The following NYAP2 variants were observed in gnomAD, a reference collection of about 807,000 sequenced individuals.
The protein encoded by NYAP2 is neuronal tyrosine-phosphorylated phosphoinositide-3-kinase adaptor 2.
Under a neutral mutation model 50.4 loss-of-function variants are expected in NYAP2, and 23 were observed. The ratio of observed to expected loss-of-function variants is 0.46; its 90% confidence interval spans 0.33 to 0.65. The LOEUF (loss-of-function observed/expected upper bound fraction) is 0.65. NYAP2 is among the 30% of genes least tolerant of loss of function. NYAP2 has a pLI of 0.02. For synonymous variants in NYAP2, 394 were observed against 365.2 expected (o/e 1.08, Z -0.90); for missense variants, 885 against 861.0 (o/e 1.03, Z -0.35).
In NYAP2 at chr2:225,582,373, T is replaced by G. The variant is rs2106229602; in HGVS notation, c.956T>G (p.Leu319Arg). The G allele has an allele frequency of 6.2e-7, 1 of 1,611,814 alleles. No homozygotes were observed. The highest frequency in any genetic ancestry group is 8.5e-7 in the Non-Finnish European group (1 of 1,178,118). Residue 319 changes from leucine (L) to arginine (R), a missense_variant, in exon 5 of 7, where the codon CTT becomes CGT. Coordinates refer to ENST00000636099, the Ensembl canonical transcript of NYAP2. The surrounding 1 kb of genome is among the most constrained non-coding windows in gnomAD (Gnocchi z 7.0). The stretch of plus-strand genomic sequence containing the variant: ...GTGCCATGCCCCCCCAAGGGGCTGC[T>G]TTGCGACATCCCTCCGCCCTTCCCC...
At chr2:225,432,008 C>A (rs933833882) in intron 3 of NYAP2, among the ~76,000 whole-genome samples, 8 of 152,040 alleles carry the variant, frequency 5.3e-5, no homozygotes, top group Non-Finnish European at 7.4e-5. Context: ...CTCGCTCTGT[C>A]ACCCAGGCCG....
At chr2:225,513,606 A>G in exon 4 of NYAP2, 2 of 1,569,788 alleles carry the variant, frequency 1.3e-6, no homozygotes, top group Non-Finnish European at 1.7e-6. Flanking sequence ...CAAGCTGAGC[A>G]CCTCATCAGA....
intron 3 of NYAP2, among the ~76,000 whole-genome samples, chr2:225,501,100 G>A (rs987931591): frequency 6.6e-6 from 1 of 152,140 alleles, no homozygotes. Flanking sequence ...GAAGAGTATG[G>A]CATCTGCCAC....
At chr2:225,587,397 C>A (rs1692406289) in intron 5 of NYAP2, among the ~76,000 whole-genome samples, 1 of 152,020 alleles carries the variant, frequency 6.6e-6, no homozygotes, top group African/African-American at 2.4e-5. Context: ...AAGGAAGAGA[C>A]TAAGGAATAA....
At chr2:225,576,281 G>A (rs1692168815) in intron 4 of NYAP2, among the ~76,000 whole-genome samples, 1 of 152,096 alleles carries the variant, frequency 6.6e-6, no homozygotes, top group South Asian at 2.1e-4. Context: ...TACTTTCACT[G>A]TCGCCAGATC....
At chr2:225,627,190 A>G (rs1209350868) in intron 6 of NYAP2, 64 bp downstream of exon 6, 16 of 1,196,850 alleles carry the variant, frequency 1.3e-5, no homozygotes, top group Non-Finnish European at 1.8e-5. Context: ...CTTTCATGCA[A>G]TATCACTTAC....
At chr2:225,655,193 ATATG>A (rs1397453907), downstream of NYAP2, among the ~76,000 whole-genome samples, 3 of 152,246 alleles carry the variant, frequency 2.0e-5, no homozygotes, top group African/African-American at 7.2e-5. Context: ...GAACTTCAAA[ATATG>A]TAAGAGAAAA....
chr2:225,416,953 G>A lies in NYAP2; in HGVS notation c.221+7852G>A, dbSNP rs148151565. Among the ~76,000 whole-genome samples, 11 of 152,260 alleles carry A rather than the reference G, an allele frequency of 7.2e-5. No homozygotes were observed. In the East Asian group the frequency reaches 1.9e-3, roughly 27 times the overall value. ...TGGCAAATTGAATGATTAAACAGAA[G>A]CCCGTTGGAGAATTTAAGGTAATCT... On this transcript the variant is annotated intron_variant, in intron 3 of 6. Transcript: ENST00000636099.
chr2:225,538,784 T>TC (rs1467944321), intron 4 of NYAP2, among the ~76,000 whole-genome samples: 1 of 9,044 alleles, frequency 1.1e-4, no homozygotes, highest in Non-Finnish European at 2.3e-4. Flanking sequence ...TTTCTTTTCT[T>TC]TCTTTCTTTC....
chr2:225,481,923 TAAC>T (rs1207162852), intron 3 of NYAP2, among the ~76,000 whole-genome samples: 8 of 151,912 alleles, frequency 5.3e-5, no homozygotes, highest in African/African-American at 1.5e-4. Flanking sequence ...GAGACATCAA[TAAC>T]AACAACAATT....
chr2:225,584,003 C>T (rs780467087), intron 5 of NYAP2, among the ~76,000 whole-genome samples: 5 of 152,140 alleles, frequency 3.3e-5, no homozygotes, highest in Non-Finnish European at 5.9e-5. Flanking sequence ...GATCATGCCA[C>T]TGCTCTCCAG....
At position 225,518,290 on chromosome 2, in the gene NYAP2, A is replaced by G. The variant is rs184438058; in HGVS notation, c.523+4618A>G. 3.3e-3 allele frequency among the ~76,000 whole-genome samples: 508 copies of G among 151,808 alleles called. 1 individual carries two copies. The highest frequency in any genetic ancestry group is 5.8e-3 in the Non-Finnish European group (391 of 67,928). Reference sequence around the variant, plus strand: ...ACAGATACTGCTTGATCTTACATGTAAAGTGTAAAAAAGTTAATCCTGTAG... The same window carrying G: ...ACAGATACTGCTTGATCTTACATGTGAAGTGTAAAAAAGTTAATCCTGTAG... On this transcript the variant is annotated intron_variant, in intron 4 of 6. Transcript: ENST00000636099.
chr2:225,553,730 C>T (rs879421303), intron 4 of NYAP2, among the ~76,000 whole-genome samples: 3 of 152,094 alleles, frequency 2.0e-5, no homozygotes, highest in Non-Finnish European at 4.4e-5. Context: ...AGAAGTATAT[C>T]AACTTTTATC....
Position 225,526,829 on chromosome 2 carries a change from T to C in NYAP2, c.523+13157T>C, listed in dbSNP as rs116770323. Among the ~76,000 whole-genome samples the C allele has an allele frequency of 4.2e-3, 643 of 152,312 alleles. 7 individuals are homozygous for C. The highest frequency in any genetic ancestry group is 0.015 in the African/African-American group (612 of 41,582). On this transcript the variant is annotated intron_variant, in intron 4 of 6. Transcript: ENST00000636099. ...TGTTCTAATGTGTATTCTTGTTTTATGAGGAAAGGATGTAGGAGATTATAA... is the reference window on the plus strand; with the variant it reads ...TGTTCTAATGTGTATTCTTGTTTTACGAGGAAAGGATGTAGGAGATTATAA...
intron 4 of NYAP2, among the ~76,000 whole-genome samples, chr2:225,536,992 A>G (rs1225043519): frequency 1.3e-5 from 2 of 151,862 alleles, no homozygotes; most frequent in African/African-American, 4.8e-5. Context: ...GTTAGCCAGG[A>G]TGGTCTCAAT....
At chr2:225,488,535 A>G (rs1212392941) in intron 3 of NYAP2, among the ~76,000 whole-genome samples, 1 of 152,078 alleles carries the variant, frequency 6.6e-6, no homozygotes, top group Non-Finnish European at 1.5e-5. Context: ...CACCAAGCCC[A>G]GCTAATTTTT....
chr2:225,502,285 T>C (rs1055553564), intron 3 of NYAP2, among the ~76,000 whole-genome samples: 2 of 152,188 alleles, frequency 1.3e-5, no homozygotes. Context: ...GATCTCTGCA[T>C]TCAGATTACT....
intron 3 of NYAP2, among the ~76,000 whole-genome samples, chr2:225,454,032 T>C (rs1689696354): frequency 6.6e-6 from 1 of 152,066 alleles, no homozygotes; most frequent in Admixed American, 6.6e-5. Flanking sequence ...TGTAAAACTT[T>C]TGAGGCCAGG....
chr2:225,552,790 A>G (rs1691701054), intron 4 of NYAP2, among the ~76,000 whole-genome samples: 1 of 152,128 alleles, frequency 6.6e-6, no homozygotes, highest in Non-Finnish European at 1.5e-5. Context: ...TTGCAGATTC[A>G]AGTGATTCTT....
Sources: allele counts gnomAD v4.1 joint callset (sites outside exome capture counted in the v4.1 genomes callset), GRCh38; gene constraint gnomAD v4.1.1; non-coding constraint Gnocchi (gnomAD v3.1); transcripts MANE v1.5; gene names NCBI Gene and HGNC (gene_info 2026-07-23, HGNC 2026-07-21).